OTOP1: variants seen among roughly 807,000 people sequenced by gnomAD.
OTOP1 encodes proton channel OTOP1.
In OTOP1, 59 loss-of-function variants were observed where a neutral mutation model predicts 52.9. That is an observed-to-expected ratio of 1.12 (90% CI 0.91 to 1.39). OTOP1 has a LOEUF of 1.39. Among genes scored for constraint, OTOP1 ranks in the 40% most tolerant of loss-of-function variants. OTOP1 has a pLI of 0.00. For synonymous variants in OTOP1, 317 were observed against 337.7 expected, an observed-to-expected ratio of 0.94 and a Z score of 0.67; for missense variants, 761 against 800.9, an observed-to-expected ratio of 0.95 and a Z score of 0.60.
chr4:4,216,237 AAACT>A (rs1165925396), intron 1 of OTOP1, among the ~76,000 whole-genome samples: 1 of 152,244 alleles, frequency 6.6e-6, no homozygotes, highest in African/African-American at 2.4e-5. Context: ...ATATAAAAAC[AAACT>A]AATAAAAAAT....
intron 4 of OTOP1, among the ~76,000 whole-genome samples, chr4:4,200,474 A>T (rs1469287087): frequency 5.8e-5 from 1 of 17,272 alleles, no homozygotes; most frequent in Non-Finnish European, 1.4e-4. Context: ...GACTCCGTCT[A>T]AAAAAAAAAA....
At chr4:4,200,023 G>A (rs1477490630) in intron 4 of OTOP1, among the ~76,000 whole-genome samples, 1 of 152,054 alleles carries the variant, frequency 6.6e-6, no homozygotes, top group Non-Finnish European at 1.5e-5. Context: ...CTTGTCGAAG[G>A]TTGCAATAAA....
Position 4,212,687 on chromosome 4 carries a change from G to A in OTOP1, c.540+181C>T, listed in dbSNP as rs539335847. On this transcript the variant is annotated intron_variant, in intron 2 of 5. Coordinates refer to ENST00000296358, the MANE Select transcript of OTOP1 (RefSeq NM_177998.3). ...GCAAAAATGGCCATGGGGACACAGAGTTTTATTTTGCAATGGAGGCAGCTG... is the reference window on the plus strand; with the variant it reads ...GCAAAAATGGCCATGGGGACACAGAATTTTATTTTGCAATGGAGGCAGCTG... 1.7e-3 allele frequency among the ~76,000 whole-genome samples: 263 copies of A among 152,292 alleles called. 3 individuals carry two copies. Among genetic ancestry groups the A allele is most frequent in the East Asian group, 7.7e-4 (4 of 5,192 alleles).
At chr4:4,218,087 A>C (rs1394315936) in intron 1 of OTOP1, among the ~76,000 whole-genome samples, 1 of 152,192 alleles carries the variant, frequency 6.6e-6, no homozygotes, top group East Asian at 1.9e-4. Flanking sequence ...TCTATTAACT[A>C]TCTCTACAAA....
At chr4:4,213,863 G>A (rs1178481302) in intron 1 of OTOP1, among the ~76,000 whole-genome samples, 1 of 152,148 alleles carries the variant, frequency 6.6e-6, no homozygotes, top group African/African-American at 2.4e-5. Flanking sequence ...GCCGAGGAGT[G>A]TGAATAACTT....
At chr4:4,208,083 A>T (rs930142364) in intron 2 of OTOP1, among the ~76,000 whole-genome samples, 3 of 152,208 alleles carry the variant, frequency 2.0e-5, no homozygotes, top group African/African-American at 7.2e-5. Flanking sequence ...ACAGGAAGAC[A>T]TCAGGTATGC....
Position 4,226,483 on chromosome 4 carries a change from C to G in OTOP1, c.382G>C (p.Ala128Pro), listed in dbSNP as rs1717436352. ...TCACCGCGCAGCCAGCCGGCACCCG[C>G]GTGCGTGTCCTTGAGGCGGAAGAGG... is the stretch of plus-strand genomic sequence containing the variant. The part of the protein sequence containing the change: ...RRLFRLKDTH[A>P]GAGWLRGSIT... Residue 128 changes from alanine (A) to proline (P), a missense_variant, in exon 1 of 6, where the codon GCG (alanine) becomes CCG (proline). Ala to Pro is a conservative substitution (Grantham distance 27). This residue lies in a region of OTOP1 where 632 missense variants were observed against 619.5 expected (regional missense o/e 1.02). Coordinates refer to ENST00000296358, the MANE Select transcript of OTOP1 (RefSeq NM_177998.3). 6.5e-7 allele frequency: 1 copy of G among 1,538,136 alleles called. No homozygotes were observed. The highest frequency in any genetic ancestry group is 1.2e-5 in the South Asian group (1 of 83,352).
At chr4:4,192,484 G>A (rs1208959378) in intron 5 of OTOP1, among the ~76,000 whole-genome samples, 1 of 152,198 alleles carries the variant, frequency 6.6e-6, no homozygotes, top group Non-Finnish European at 1.5e-5. Context: ...ATACATTTGG[G>A]GTAGTTCATT....
At chr4:4,193,132 G>A (rs1250302660) in intron 5 of OTOP1, among the ~76,000 whole-genome samples, 1 of 152,094 alleles carries the variant, frequency 6.6e-6, no homozygotes, top group Non-Finnish European at 1.5e-5. Flanking sequence ...CTTGCGTTTA[G>A]GATAGAGTCT....
In OTOP1 at chr4:4,209,167, G is replaced by A. The variant is rs772183694; in HGVS notation, c.541-3037C>T. 7.9e-5 allele frequency among the ~76,000 whole-genome samples: 12 copies of A among 152,278 alleles called. No homozygotes were observed. The South Asian group carries it at 8.3e-4, about 11-fold the overall frequency. ...TGGAAACACTTTGTATCTCAGACAC[G>A]TAGGCAGGAGTCCCCTCTCCTTGGT... is the stretch of plus-strand genomic sequence containing the variant. On this transcript the variant is annotated intron_variant, in intron 2 of 5. Transcript: ENST00000296358.
At chr4:4,224,450 G>T (rs1261294117) in intron 1 of OTOP1, among the ~76,000 whole-genome samples, 1 of 151,442 alleles carries the variant, frequency 6.6e-6, no homozygotes, top group Non-Finnish European at 1.5e-5. Flanking sequence ...AGGAAGAAGG[G>T]AGAAAAAAGG....
chr4:4,188,866 A>C lies in OTOP1; in HGVS notation c.1776T>G (p.Pro592=). ...PWIIVVNLAM[P]FSIFYRMHAA... The stretch of plus-strand genomic sequence containing the variant: ...CGTGCATTCGATAGAAAATAGAAAA[A>C]GGCATGGCCAGGTTGACCACAATTA... The change falls in exon 6 of 6, where the codon CCT becomes CCG. Residue 592 remains proline, a synonymous_variant. Transcript: ENST00000296358. The C allele has an allele frequency of 1.2e-6, 2 of 1,613,910 alleles. No individual in the cohort carries two copies. Among genetic ancestry groups the C allele is most frequent in the Non-Finnish European group, 1.7e-6 (2 of 1,179,808 alleles).
At chr4:4,199,012 G>A (rs562631363) in intron 4 of OTOP1, among the ~76,000 whole-genome samples, 8 of 152,178 alleles carry the variant, frequency 5.3e-5, no homozygotes, top group African/African-American at 1.4e-4. Flanking sequence ...CCAACATGGC[G>A]AAACCTCGTC....
rs1294672677 is a variant in OTOP1 at position 4,198,171 on chromosome 4, A to AG, written c.731-69_731-68insC. ...TGCAAGGGGGAACAGAAAAGCACAG[A>AG]AAACTGTTTCCACCGTGGATTCAGG... On this transcript the variant is annotated intron_variant, in intron 4 of 5. Transcript: ENST00000296358. 2.2e-6 allele frequency: 3 copies of AG among 1,374,908 alleles called. No individual in the cohort carries two copies. In the African/African-American group the frequency reaches 4.3e-5, roughly 20 times the overall value. 85.2% of individuals were successfully genotyped at this position (1,374,908 alleles called of 1,614,324 possible).
chr4:4,202,827 T>C (rs1382984601), intron 3 of OTOP1, among the ~76,000 whole-genome samples: 6 of 152,200 alleles, frequency 3.9e-5, no homozygotes, highest in Non-Finnish European at 8.8e-5. Flanking sequence ...TCAATGCCTA[T>C]AGGACATCAA....
chr4:4,189,909 C>T (rs1716465337), intron 5 of OTOP1, among the ~76,000 whole-genome samples: 1 of 152,228 alleles, frequency 6.6e-6, no homozygotes, highest in Non-Finnish European at 1.5e-5. Flanking sequence ...ATGAATGCAG[C>T]CCCAGCCAAC....
chr4:4,197,538 C>T lies in OTOP1; in HGVS notation c.1296G>A (p.Ala432=), dbSNP rs752025671. 38 of 1,613,892 alleles carry T rather than the reference C, an allele frequency of 2.4e-5. No individual in the cohort carries two copies. Among genetic ancestry groups the T allele is most frequent in the African/African-American group, 1.5e-4 (11 of 74,858 alleles). The change falls in exon 5 of 6, where the codon GCG becomes GCA. Residue 432 remains alanine (A), a synonymous_variant. Coordinates refer to ENST00000296358, the MANE Select transcript of OTOP1 (RefSeq NM_177998.3). ...GGTTCTGGATGTACTTCTCCACGAT[C>T]GCCAGGATGGAGTAGGGCAGGTTGT... ...TWYNLPYSIL[A]IVEKYIQNLF... is the part of the protein sequence containing the mutation.
chr4:4,197,546 T>C lies in OTOP1; in HGVS notation c.1288A>G (p.Ile430Val). 6.2e-7 allele frequency: 1 copy of C among 1,613,724 alleles called. No homozygotes were observed. Among genetic ancestry groups the C allele is most frequent in the Non-Finnish European group, 8.5e-7 (1 of 1,179,904 alleles). Residue 430 changes from isoleucine (I) to valine (V), a missense_variant, in exon 5 of 6, where the codon ATC becomes GTC. Physicochemically the swap from Ile to Val is conservative, Grantham distance 29 (BLOSUM62 3). This residue lies in a region of OTOP1 where 632 missense variants were observed against 619.5 expected (regional missense o/e 1.02). Coordinates refer to ENST00000296358, the MANE Select transcript of OTOP1 (RefSeq NM_177998.3). ...ATGTACTTCTCCACGATCGCCAGGA[T>C]GGAGTAGGGCAGGTTGTACCAGGTG... The part of the protein sequence containing the change: ...RYTWYNLPYS[I>V]LAIVEKYIQN...
At chr4:4,215,293 G>A (rs1186423872) in intron 1 of OTOP1, among the ~76,000 whole-genome samples, 2 of 152,068 alleles carry the variant, frequency 1.3e-5, no homozygotes, top group Non-Finnish European at 2.9e-5. Context: ...TTTCAAAAAG[G>A]AGCAATTTAA....
Sources: allele counts gnomAD v4.1 joint callset (sites outside exome capture counted in the v4.1 genomes callset), GRCh38; gene constraint gnomAD v4.1.1; regional missense constraint gnomAD v4.1.1; transcripts MANE v1.5; gene names NCBI Gene and HGNC (gene_info 2026-07-23, HGNC 2026-07-21).